CLCA4: variants seen among roughly 807,000 people sequenced by gnomAD.
CLCA4 encodes the protein chloride channel accessory 4.
Under a neutral mutation model 78.9 loss-of-function variants are expected in CLCA4, and 69 were observed. The ratio of observed to expected loss-of-function variants is 0.87; its 90% CI spans 0.72 to 1.07. The LOEUF is 1.07. Ranked by LOEUF, CLCA4 falls within the 50% of genes least tolerant of loss-of-function variation. The pLI is 0.00. For missense variants in CLCA4, 1,133 were observed against 1,095.8 expected (o/e 1.03, Z -0.48); for synonymous variants, 362 against 375.8 (o/e 0.96, Z 0.42).
At chr1:86,557,922 C>G (rs752564852) in intron 1 of CLCA4, among the ~76,000 whole-genome samples, 1 of 150,878 alleles carries the variant, frequency 6.6e-6, no homozygotes, top group Non-Finnish European at 1.5e-5. Flanking sequence ...TAAAATGAAG[C>G]CTTTACCATT....
chr1:86,574,574 C>A lies in CLCA4; in HGVS notation c.1502C>A (p.Ala501Asp), dbSNP rs555270545. 1.1e-5 allele frequency: 18 copies of A among 1,612,964 alleles called. No individual in the cohort carries two copies. In the African/African-American group the frequency reaches 1.7e-4, roughly 16 times the overall value. The change falls in exon 10 of 14, where the codon GCC (alanine) becomes GAC (aspartate). Residue 501 changes from alanine to aspartate, a missense_variant. Ala to Asp is a moderately radical substitution (Grantham distance 126, BLOSUM62 -2). Transcript: ENST00000370563. The stretch of plus-strand genomic sequence containing the variant: ...AAGGGATTAACACTGAATAGTAATG[C>A]CTGGATGAACGACACTGTCATAATT... ...ESKGLTLNSN[A>D]WMNDTVIIDS...
chr1:86,555,528 C>G (rs1649812766), intron 1 of CLCA4, among the ~76,000 whole-genome samples: 1 of 152,098 alleles, frequency 6.6e-6, no homozygotes, highest in South Asian at 2.1e-4. Context: ...AGCCTTATTT[C>G]TGGGCTCTCT....
intron 11 of CLCA4, among the ~76,000 whole-genome samples, chr1:86,576,705 A>T (rs1301513021): frequency 1.3e-5 from 2 of 152,036 alleles, no homozygotes; most frequent in Non-Finnish European, 2.9e-5. Context: ...CAAAGTATAA[A>T]TATAGTCCTG....
rs759981524 is a variant in CLCA4 at position 86,579,956 on chromosome 1, A to C, written c.2371A>C (p.Ile791Leu). The C allele has an allele frequency of 2.7e-5, 43 of 1,583,772 alleles. 2 individuals carry two copies. The highest frequency in any genetic ancestry group is 2.7e-4 in the Admixed American group (15 of 55,256). Residue 791 changes from isoleucine (I) to leucine (L), a missense_variant, in exon 14 of 14, where the codon ATA becomes CTA. Ile to Leu is a conservative substitution (Grantham distance 5). Coordinates refer to ENST00000370563, the MANE Select transcript of CLCA4 (RefSeq NM_012128.4). ...TTTTTTCTCAGTTCAACGTTATATCATAAGAATAAGTGCAAGTATTCTTGA... is the reference window on the plus strand; with the variant it reads ...TTTTTTCTCAGTTCAACGTTATATCCTAAGAATAAGTGCAAGTATTCTTGA... Reference protein sequence around the residue: ...FDVGKVQRYIIRISASILDLR... With the variant: ...FDVGKVQRYILRISASILDLR...
intron 6 of CLCA4, 94 bp downstream of exon 6, chr1:86,566,114 A>G: frequency 9.4e-7 from 1 of 1,060,748 alleles, no homozygotes; most frequent in Non-Finnish European, 1.3e-6. Context: ...TCTAAATTGC[A>G]TGGTGGCATA....
intron 1 of CLCA4, among the ~76,000 whole-genome samples, chr1:86,556,334 T>C (rs1649842395): frequency 6.6e-6 from 1 of 152,242 alleles, no homozygotes; most frequent in Non-Finnish European, 1.5e-5. Context: ...ATGTTGGCTA[T>C]GGGTTTGTCA....
chr1:86,560,204 T>C lies in CLCA4; in HGVS notation c.301-7T>C, dbSNP rs372488482. The C allele has an allele frequency of 1.3e-6, 2 of 1,598,226 alleles. No individual in the cohort carries two copies. The highest frequency in any genetic ancestry group is 1.7e-6 in the Non-Finnish European group (2 of 1,174,674). ...TGATGTTTGACAATCTTTTTCAACA[T>C]TCTCAGGCTGATGTTATAGTTGCAC... is the stretch of plus-strand genomic sequence containing the variant. On this transcript the variant is annotated splice_region_variant and splice_polypyrimidine_tract_variant and intron_variant, in intron 2 of 13. Coordinates refer to ENST00000370563, the MANE Select transcript of CLCA4 (RefSeq NM_012128.4).
Position 86,580,487 on chromosome 1 carries a change from G to C in CLCA4, c.*142G>C, listed in dbSNP as rs570642191. 21 of 551,568 alleles carry C rather than the reference G, an allele frequency of 3.8e-5. No individual in the cohort carries two copies. In the African/African-American group the frequency reaches 4.1e-4, roughly 11 times the overall value. The allele number at this position is 551,568 out of a possible 1,614,324, so 34.2% of individuals were successfully genotyped here. A position where few individuals can be genotyped will look rare whatever the true frequency, so the allele number is the denominator to read the frequency against. On this transcript the variant is annotated 3_prime_UTR_variant, in exon 14 of 14. Coordinates refer to ENST00000370563, the MANE Select transcript of CLCA4 (RefSeq NM_012128.4). ...TCATAAAAATAATTTTAAGATGTCG[G>C]AAAAGGATACTTTGATTAAATAAAA...
rs554613740 is a variant in CLCA4, at chr1:86,550,754, A to T, written c.159+3476A>T. Among the ~76,000 whole-genome samples the T allele has an allele frequency of 2.6e-5, 4 of 152,016 alleles. No individual in the cohort carries two copies. The South Asian group carries it at 8.3e-4, about 32-fold the overall frequency. On this transcript the variant is annotated intron_variant, in intron 1 of 13. Transcript: ENST00000370563. ...AAGACTCTGTCTCAAAAAAATAAAA[A>T]TAAAAATAAAATTAAAAAAAAGTGC...
At chr1:86,558,446 A>T (rs1017709279) in intron 1 of CLCA4, among the ~76,000 whole-genome samples, 6 of 152,172 alleles carry the variant, frequency 3.9e-5, no homozygotes, top group Admixed American at 3.9e-4. Context: ...GCTGGATATG[A>T]AATACTTGGT....
rs748776283 is a variant in CLCA4, at chr1:86,572,664, G to T, written c.1411G>T (p.Asp471Tyr). The T allele has an allele frequency of 1.1e-5, 18 of 1,610,162 alleles. No homozygotes were observed. The South Asian group carries it at 2.0e-4, about 18-fold the overall frequency. ...SDEAQNNGLIDAFGALTSGNT... is the reference protein window; with the variant it reads ...SDEAQNNGLIYAFGALTSGNT... ...TGAAGCTCAGAACAATGGCCTCATT[G>T]ATGCTTTTGGGGCTCTTACATCAGG... The change falls in exon 9 of 14, where the codon GAT becomes TAT. Residue 471 changes from aspartate (D) to tyrosine (Y), a missense_variant. Transcript: ENST00000370563.
At chr1:86,573,686 G>A (rs1249203388) in intron 9 of CLCA4, among the ~76,000 whole-genome samples, 1 of 151,992 alleles carries the variant, frequency 6.6e-6, no homozygotes, top group Non-Finnish European at 1.5e-5. Context: ...GATATAGACT[G>A]CTAGTGTTTG....
intron 1 of CLCA4, among the ~76,000 whole-genome samples, chr1:86,556,935 G>A (rs1649866497): frequency 6.6e-6 from 1 of 152,116 alleles, no homozygotes; most frequent in South Asian, 2.1e-4. Context: ...AGATGTATGG[G>A]TCCAGGAATT....
intron 9 of CLCA4, among the ~76,000 whole-genome samples, chr1:86,573,306 G>A (rs568412655): frequency 1.3e-5 from 2 of 151,934 alleles, no homozygotes; most frequent in South Asian, 4.2e-4. Flanking sequence ...TCTGGGTCTT[G>A]ATAGCACCAC....
Position 86,567,442 on chromosome 1 carries a change from C to T in CLCA4, c.973C>T (p.Arg325Ter), listed in dbSNP as rs762310034. 6 of 1,612,068 alleles carry T rather than the reference C, an allele frequency of 3.7e-6. No individual in the cohort carries two copies. Among genetic ancestry groups the T allele is most frequent in the Admixed American group, 1.7e-5 (1 of 59,858 alleles). The change falls in exon 7 of 14, where the codon CGA (arginine) becomes TGA (stop). Residue 325 changes from arginine (R) to a stop codon, truncating the protein, a stop_gained. Transcript: ENST00000370563. LOFTEE classifies it high-confidence loss of function. Reference sequence around the variant, plus strand: ...AATCTAGGGTAAGGACCGCCTAAATCGAATGAATCAAGCAGCAAAACATTT... The same window carrying T: ...AATCTAGGGTAAGGACCGCCTAAATTGAATGAATCAAGCAGCAAAACATTT... ...GSMGGKDRLNRMNQAAKHFLL... is the reference protein window; with the variant it reads ...GSMGGKDRLN
intron 12 of CLCA4, 123 bp from the exon 13 acceptor site, chr1:86,579,231 T>C (rs1022942933): frequency 1.4e-6 from 1 of 730,132 alleles, no homozygotes; most frequent in South Asian, 1.8e-5. Flanking sequence ...GTCACAAAAC[T>C]TAGTAAAAAT....
In CLCA4 at chr1:86,579,598, A is replaced by T. The variant is rs370608810; in HGVS notation, c.2356+11A>T. On this transcript the variant is annotated intron_variant, in intron 13 of 13. Transcript: ENST00000370563. ...TTGATGTTGGAAAAGGTAAGGATGAAGTGTCATGTGATTTTGACTTAAGTA... is the reference window on the plus strand; with the variant it reads ...TTGATGTTGGAAAAGGTAAGGATGATGTGTCATGTGATTTTGACTTAAGTA... 1.0e-5 allele frequency: 14 copies of T among 1,350,322 alleles called. No individual in the cohort carries two copies. The highest frequency in any genetic ancestry group is 1.9e-5 in the Admixed American group (1 of 51,874). 83.6% of individuals were successfully genotyped at this position (1,350,322 alleles called of 1,614,324 possible).
chr1:86,560,914 C>T (rs1002012269), intron 3 of CLCA4, among the ~76,000 whole-genome samples: 7 of 152,186 alleles, frequency 4.6e-5, no homozygotes, highest in Non-Finnish European at 7.3e-5. Flanking sequence ...CTAGTTCAAT[C>T]TAAATGCTAA....
At chr1:86,556,301 C>T (rs1649839219) in intron 1 of CLCA4, among the ~76,000 whole-genome samples, 1 of 152,158 alleles carries the variant, frequency 6.6e-6, no homozygotes, top group African/African-American at 2.4e-5. Flanking sequence ...GAGAATGCTT[C>T]CAGCTTTTGC....
Sources: allele counts gnomAD v4.1 joint callset (sites outside exome capture counted in the v4.1 genomes callset), GRCh38; gene constraint gnomAD v4.1.1; transcripts MANE v1.5; gene names NCBI Gene and HGNC (gene_info 2026-07-23, HGNC 2026-07-21).